ACSM2B: variants seen among roughly 807,000 people sequenced by gnomAD.
ACSM2B encodes the protein acyl-CoA synthetase medium chain family member 2B, also known as acyl-coenzyme A synthetase ACSM2B, mitochondrial.
Under a neutral mutation model 78.6 loss-of-function variants are expected in ACSM2B, and 58 were observed. That is an observed-to-expected ratio of 0.74 (90% CI 0.60 to 0.92). ACSM2B has a LOEUF of 0.92. Ranked by LOEUF, ACSM2B falls within the 40% of genes least tolerant of loss-of-function variation. The pLI is 0.00. For synonymous variants in ACSM2B, 257 were observed against 256.8 expected (o/e 1.00, Z -0.01); for missense variants, 688 against 711.2 (o/e 0.97, Z 0.37).
intron 2 of ACSM2B, among the ~76,000 whole-genome samples, chr16:20,561,647 T>C (rs2015658042): frequency 6.6e-6 from 1 of 151,988 alleles, no homozygotes; most frequent in Non-Finnish European, 1.5e-5. Flanking sequence ...CCCTTCCAAT[T>C]CTCATGTCCT....
chr16:20,575,143 A>C (rs201109456), intron 1 of ACSM2B, among the ~76,000 whole-genome samples: 1 of 129,240 alleles, frequency 7.7e-6, no homozygotes, highest in East Asian at 2.4e-4. Flanking sequence ...ATATTAAGGC[A>C]CCAACTCCAG....
At chr16:20,569,605 T>C (rs1427615060) in intron 1 of ACSM2B, among the ~76,000 whole-genome samples, 1 of 151,838 alleles carries the variant, frequency 6.6e-6, no homozygotes, top group Non-Finnish European at 1.5e-5. Flanking sequence ...TCTAGTTCTG[T>C]GAAGAATGAT....
At chr16:20,575,498 A>T (rs1352708019) in intron 1 of ACSM2B, 4 of 151,958 alleles carry the variant, frequency 2.6e-5, no homozygotes, top group Admixed American at 2.6e-4. Flanking sequence ...AAAACTGAAG[A>T]ACCTGGAGTC....
intron 2 of ACSM2B, among the ~76,000 whole-genome samples, chr16:20,564,317 T>G (rs2015754161): frequency 1.3e-5 from 2 of 151,622 alleles, no homozygotes; most frequent in Admixed American, 1.3e-4. Flanking sequence ...CCAGGCTTGA[T>G]TTGCTATTAT....
intron 1 of ACSM2B, among the ~76,000 whole-genome samples, chr16:20,572,492 T>C (rs1293747725): frequency 7.4e-6 from 1 of 135,366 alleles, no homozygotes; most frequent in Non-Finnish European, 1.5e-5. Flanking sequence ...TGCTTTTGTC[T>C]CACAGCTCTT....
rs2015089814 is a variant in ACSM2B, at chr16:20,544,819, A to G, written c.1281+338T>C. 6.9e-6 allele frequency: 7 copies of G among 1,008,510 alleles called. 1 individual carries two copies. The South Asian group carries it at 3.2e-4, about 46-fold the overall frequency. The allele number at this position is 1,008,510 out of a possible 1,614,324, so 62.5% of individuals were successfully genotyped here. ...ATCAACGGCATAGATCATGGGGATG[A>G]TACCTAGGGGAGAGGGAAAGGCAGC... On this transcript the variant is annotated intron_variant, in intron 10 of 13. Coordinates refer to ENST00000329697, the MANE Select transcript of ACSM2B (RefSeq NM_001105069.2).
intron 5 of ACSM2B, among the ~76,000 whole-genome samples, chr16:20,553,315 C>T (rs2015374215): frequency 6.6e-6 from 1 of 152,148 alleles, no homozygotes; most frequent in Non-Finnish European, 1.5e-5. Context: ...GAAAAAAATG[C>T]TCAACTATGG....
intron 4 of ACSM2B, 34 bp downstream of exon 4, chr16:20,555,235 G>A: frequency 6.2e-7 from 1 of 1,613,306 alleles, no homozygotes. Flanking sequence ...TCCAGTTTTA[G>A]TTAAAACCCA....
At chr16:20,566,249 A>ATATATC (rs2015831363) in intron 1 of ACSM2B, among the ~76,000 whole-genome samples, 3 of 29,530 alleles carry the variant, frequency 1.0e-4, no homozygotes, top group African/African-American at 2.1e-4. Flanking sequence ...ATGGAAGATT[A>ATATATC]TATATATATA....
chr16:20,539,164 C>T (rs2014922894), intron 13 of ACSM2B, among the ~76,000 whole-genome samples: 1 of 145,312 alleles, frequency 6.9e-6, no homozygotes, highest in African/African-American at 2.6e-5. Context: ...TGCAACCTCA[C>T]CGTCTGCTCA....
intron 2 of ACSM2B, among the ~76,000 whole-genome samples, chr16:20,564,186 T>C (rs2015750326): frequency 6.6e-6 from 1 of 152,120 alleles, no homozygotes; most frequent in Non-Finnish European, 1.5e-5. Context: ...CTCCAACTCC[T>C]GGGCTCAAGC....
chr16:20,565,199 G>T (rs2015788545), intron 1 of ACSM2B, among the ~76,000 whole-genome samples: 1 of 152,138 alleles, frequency 6.6e-6, no homozygotes. Context: ...TCCGTTCTAG[G>T]ATTATAAATC....
intron 1 of ACSM2B, among the ~76,000 whole-genome samples, chr16:20,568,800 G>T (rs1356982771): frequency 6.6e-6 from 1 of 151,862 alleles, no homozygotes; most frequent in Admixed American, 6.6e-5. Context: ...GTTTTGATTT[G>T]CATTTCCCTG....
rs553412699 is a variant in ACSM2B at position 20,543,388 on chromosome 16, G to T, written c.1282-126C>A. The T allele has an allele frequency of 7.1e-5, 110 of 1,543,882 alleles. No individual in the cohort carries two copies. In the South Asian group the frequency reaches 1.3e-3, roughly 18 times the overall value. On this transcript the variant is annotated intron_variant, in intron 10 of 13. Transcript: ENST00000329697. ...GGTGTGCAGTGTATAACCTGAACAT[G>T]GCAGACATGCCCTGAACCAGCCAAC... is the stretch of plus-strand genomic sequence containing the variant.
intron 10 of ACSM2B, among the ~76,000 whole-genome samples, chr16:20,544,351 C>T (rs2015077431): frequency 6.6e-6 from 1 of 152,172 alleles, no homozygotes; most frequent in East Asian, 1.9e-4. Flanking sequence ...TAAGATCACG[C>T]TATACATAGT....
chr16:20,555,404 G>A lies in ACSM2B; in HGVS notation c.461C>T (p.Ala154Val). The A allele has an allele frequency of 6.2e-7, 1 of 1,613,884 alleles. No homozygotes were observed. The highest frequency in any genetic ancestry group is 8.5e-7 in the Non-Finnish European group (1 of 1,179,844). Residue 154 changes from alanine (A) to valine (V), a missense_variant, in exon 4 of 14, where the codon GCC becomes GTC. Ala to Val is a moderately conservative substitution (Grantham distance 64). Coordinates refer to ENST00000329697, the MANE Select transcript of ACSM2B (RefSeq NM_001105069.2). ...TTCATCCCCAGCAACAATAGCCTTG[G>A]CCTTAGACATCTGCAACCTATACAG... ...DILYRLQMSK[A>V]KAIVAGDEVI...
intron 1 of ACSM2B, among the ~76,000 whole-genome samples, chr16:20,567,650 C>T (rs1441277343): frequency 3.8e-5 from 5 of 132,918 alleles, no homozygotes; most frequent in African/African-American, 1.1e-4. Context: ...ATATACTATG[C>T]TATTATATAT....
rs1024207916 is a variant in ACSM2B, at chr16:20,544,567, A to C, written c.1281+590T>G. ...TATTTATTTAGTTTATTAGTCAATT[A>C]TCTCAGGGATCAGAAGGCATGCCCT... On this transcript the variant is annotated intron_variant, in intron 10 of 13. Transcript: ENST00000329697. The C allele has an allele frequency of 6.6e-5, 65 of 983,178 alleles. No homozygotes were observed. The Middle Eastern group carries it at 2.1e-3, about 32-fold the overall frequency. The allele number at this position is 983,178 out of a possible 1,614,324, so 60.9% of individuals were successfully genotyped here. A position where few individuals can be genotyped will look rare whatever the true frequency, so the allele number is the denominator to read the frequency against.
intron 1 of ACSM2B, among the ~76,000 whole-genome samples, chr16:20,567,171 T>G (rs1279168233): frequency 7.5e-6 from 1 of 133,944 alleles, no homozygotes; most frequent in Non-Finnish European, 1.6e-5. Context: ...ATATATTATA[T>G]ATAATACTAT....
Sources: allele counts gnomAD v4.1 joint callset (sites outside exome capture counted in the v4.1 genomes callset), GRCh38; gene constraint gnomAD v4.1.1; transcripts MANE v1.5; gene names NCBI Gene and HGNC (gene_info 2026-07-23, HGNC 2026-07-21).